Variants in CCDC82 observed in about 807,000 individuals in gnomAD.
CCDC82 encodes the protein coiled-coil domain-containing protein 82.
Under a neutral mutation model 60.6 loss-of-function variants are expected in CCDC82, and 47 were observed. The ratio of observed to expected loss-of-function variants is 0.77; its 90% CI spans 0.61 to 0.99. The LOEUF is 0.99. Ranked by LOEUF, CCDC82 falls within the 50% of genes least tolerant of loss-of-function variation. The probability of loss-of-function intolerance (pLI) is 0.00; values close to 1 mark genes in which losing one functional copy is unlikely to be tolerated. For synonymous variants in CCDC82, 212 were observed against 207.4 expected (o/e 1.02, Z -0.19); for missense variants, 588 against 633.0 (o/e 0.93, Z 0.76).
At chr11:96,374,478 G>A (rs967017193) in intron 5 of CCDC82, among the ~76,000 whole-genome samples, 7 of 152,114 alleles carry the variant, frequency 4.6e-5, no homozygotes, top group Admixed American at 4.6e-4. Context: ...ACCTATAGAA[G>A]TGCTAAAGAG....
At chr11:96,359,885 G>A (rs1262296144) in intron 8 of CCDC82, among the ~76,000 whole-genome samples, 6 of 150,806 alleles carry the variant, frequency 4.0e-5, no homozygotes, top group Non-Finnish European at 8.9e-5. Flanking sequence ...TTTACTTAAG[G>A]TGTTATATGT....
chr11:96,358,282 C>T lies in CCDC82; in HGVS notation c.1566+711G>A, dbSNP rs560018067. 3.6e-5 allele frequency: 41 copies of T among 1,124,978 alleles called. No homozygotes were observed. In the Middle Eastern group the frequency reaches 1.1e-3, roughly 30 times the overall value. The allele number at this position is 1,124,978 out of a possible 1,614,324, so 69.7% of individuals were successfully genotyped here. ...TAGACTTGTTTTAGAAGACTGCAGT[C>T]GTATTAGCATTCTTTCCATATACCA... is the stretch of plus-strand genomic sequence containing the variant. On this transcript the variant is annotated intron_variant, in intron 9 of 9. Transcript: ENST00000646818.
chr11:96,360,704 T>C (rs1362369310), intron 8 of CCDC82, among the ~76,000 whole-genome samples: 1 of 152,180 alleles, frequency 6.6e-6, no homozygotes, highest in Non-Finnish European at 1.5e-5. Context: ...TCTATGCAAC[T>C]TGTGTTCTGT....
intron 9 of CCDC82, among the ~76,000 whole-genome samples, 200 bp downstream of exon 9, chr11:96,358,793 G>A (rs1443497920): frequency 6.6e-6 from 1 of 152,166 alleles, no homozygotes; most frequent in Non-Finnish European, 1.5e-5. Flanking sequence ...GATGGGCTGA[G>A]TGAATCCTTA....
At chr11:96,387,639 T>C (rs530886669) in intron 1 of CCDC82, 26 bp from the exon 2 acceptor site, 2 of 152,326 alleles carry the variant, frequency 1.3e-5, no homozygotes, top group East Asian at 1.9e-4. Context: ...TTGTACAAGA[T>C]AGTAAAAATT....
At chr11:96,356,958 G>T in intron 9 of CCDC82, 1 of 985,488 alleles carries the variant, frequency 1.0e-6, no homozygotes, top group Non-Finnish European at 1.2e-6. Context: ...AAAAGGGGTT[G>T]ACATAAATGG....
At chr11:96,365,329 T>C (rs1385559627) in intron 7 of CCDC82, among the ~76,000 whole-genome samples, 179 bp from the exon 8 acceptor site, 1 of 152,062 alleles carries the variant, frequency 6.6e-6, no homozygotes, top group East Asian at 1.9e-4. Context: ...TATGTTTAAA[T>C]AAAAAAATTT....
intron 8 of CCDC82, 59 bp downstream of exon 8, chr11:96,364,921 T>A: frequency 1.4e-6 from 2 of 1,474,908 alleles, no homozygotes; most frequent in Non-Finnish European, 1.8e-6. Flanking sequence ...ATACTTAGGA[T>A]TATTTATGAA....
intron 8 of CCDC82, 168 bp downstream of exon 8, chr11:96,364,812 T>C: frequency 1.8e-6 from 1 of 557,096 alleles, no homozygotes; most frequent in East Asian, 3.2e-5. Flanking sequence ...AATTCTCTCC[T>C]ATTAGATGAA....
intron 5 of CCDC82, among the ~76,000 whole-genome samples, chr11:96,374,619 G>A (rs6483500): frequency 0.7 from 107,051 of 151,986 alleles, 37,937 homozygotes; most frequent in African/African-American, 0.79. Context: ...AAATCAGTAC[G>A]GCATAATTGA....
At chr11:96,367,365 T>A (rs1865003296) in intron 7 of CCDC82, among the ~76,000 whole-genome samples, 1 of 152,262 alleles carries the variant, frequency 6.6e-6, no homozygotes, top group Admixed American at 6.5e-5. Flanking sequence ...CTGACACTGC[T>A]TTAACAACCA....
chr11:96,365,148 C>T lies in CCDC82; in HGVS notation c.1212G>A (p.Glu404=). The change falls in exon 8 of 10, where the codon GAG becomes GAA. Residue 404 remains glutamate (E), a splice_region_variant and synonymous_variant. Coordinates refer to ENST00000646818, the MANE Select transcript of CCDC82 (RefSeq NM_024725.4). The part of the protein sequence containing the change: ...SRSRWKEQYK[E]RVENYSNVSI... Reference sequence around the variant, plus strand: ...TTACATTAGAATAATTTTCTACTCGCTCCTGAAAACAAAAAATATAAAAAA... The same window carrying T: ...TTACATTAGAATAATTTTCTACTCGTTCCTGAAAACAAAAAATATAAAAAA... 6.6e-7 allele frequency: 1 copy of T among 1,523,956 alleles called. No homozygotes were observed. The highest frequency in any genetic ancestry group is 8.8e-7 in the Non-Finnish European group (1 of 1,131,680). The allele number at this position is 1,523,956 out of a possible 1,614,324, so 94.4% of individuals were successfully genotyped here.
At position 96,358,983 on chromosome 11, in the gene CCDC82, T is replaced by G. The variant is rs113372501; in HGVS notation, c.1566+10A>C. The G allele has an allele frequency of 0.016, 25,257 of 1,593,918 alleles. 252 individuals are homozygous for G. Among genetic ancestry groups the G allele is most frequent in the Non-Finnish European group, 0.018 (21,254 of 1,172,666 alleles). ...ATCTACATGATAAGATTCTCATATA[T>G]TCACCTTACCTCCTTAATCCAGCCA... On this transcript the variant is annotated intron_variant, in intron 9 of 9. Coordinates refer to ENST00000646818, the MANE Select transcript of CCDC82 (RefSeq NM_024725.4).
chr11:96,356,521 A>G (rs1379609794), intron 9 of CCDC82: 1 of 985,204 alleles, frequency 1.0e-6, no homozygotes, highest in Non-Finnish European at 1.2e-6. Context: ...ACTATCTTCA[A>G]CTTCCCAGGA....
At chr11:96,376,523 G>A (rs1299188797) in intron 5 of CCDC82, among the ~76,000 whole-genome samples, 1 of 151,858 alleles carries the variant, frequency 6.6e-6, no homozygotes, top group Non-Finnish European at 1.5e-5. Flanking sequence ...CGCCTCCCAG[G>A]TTCAAGCGAT....
chr11:96,387,913 A>C (rs545622649), intron 1 of CCDC82: 3 of 152,218 alleles, frequency 2.0e-5, no homozygotes, highest in Non-Finnish European at 4.4e-5. Context: ...CCCAAAAGTA[A>C]AATTTCAAAG....
Position 96,365,008 on chromosome 11 carries a change from A to G in CCDC82, c.1352T>C (p.Ile451Thr), listed in dbSNP as rs1171592071. The change falls in exon 8 of 10, where the codon ATA becomes ACA. Residue 451 changes from isoleucine (I) to threonine (T), a missense_variant. Coordinates refer to ENST00000646818, the MANE Select transcript of CCDC82 (RefSeq NM_024725.4). ...TTTATCATGTGACATGAAATTATCT[A>G]TTTGCATGGTCCTGGTGTTATACAA... Reference protein sequence around the residue: ...GELYNTRTMQIDNFMSHDKQV... With the variant: ...GELYNTRTMQTDNFMSHDKQV... The G allele has an allele frequency of 3.7e-6, 6 of 1,604,836 alleles. No homozygotes were observed. The highest frequency in any genetic ancestry group is 1.1e-5 in the South Asian group (1 of 87,708).
intron 9 of CCDC82, chr11:96,357,981 A>G: frequency 1.0e-6 from 1 of 985,434 alleles, no homozygotes; most frequent in South Asian, 4.7e-5. Context: ...TGGTGGGAGA[A>G]AAATTGTCAA....
chr11:96,378,935 G>T (rs1382605838), intron 5 of CCDC82, among the ~76,000 whole-genome samples: 1 of 151,958 alleles, frequency 6.6e-6, no homozygotes, highest in Non-Finnish European at 1.5e-5. Context: ...GAGCCAAATG[G>T]CAGATAGGAA....
Sources: allele counts gnomAD v4.1 joint callset (sites outside exome capture counted in the v4.1 genomes callset), GRCh38; gene constraint gnomAD v4.1.1; transcripts MANE v1.5; gene names NCBI Gene and HGNC (gene_info 2026-07-23, HGNC 2026-07-21).